RASA4B: variants seen among roughly 807,000 people sequenced by gnomAD.
The protein encoded by RASA4B is ras GTPase-activating protein 4B.
A neutral mutation model predicts 24.2 loss-of-function variants in RASA4B; 2 were observed. The observed-to-expected ratio is 0.08, with a 90% CI of 0.03 to 0.26. The LOEUF is 0.26. Ranked by LOEUF, RASA4B falls within the 10% of genes least tolerant of loss-of-function variation. The probability of loss-of-function intolerance (pLI) is 1.00; values close to 1 mark genes in which losing one functional copy is unlikely to be tolerated. For missense variants in RASA4B, 8 were observed against 277.2 expected, an observed-to-expected ratio of 0.03 and a Z score of 6.90; for synonymous variants, 2 against 125.6, an observed-to-expected ratio of 0.02 and a Z score of 6.58.
At chr7:102,506,201 C>A (rs1278439524) in intron 5 of RASA4B, among the ~76,000 whole-genome samples, 5 of 151,918 alleles carry the variant, frequency 3.3e-5, no homozygotes, top group Non-Finnish European at 5.9e-5. Context: ...GGAAATCACC[C>A]AAGAAGCATC....
intron 17 of RASA4B, among the ~76,000 whole-genome samples, chr7:102,489,586 A>G (rs1297259073): frequency 6.8e-6 from 1 of 147,368 alleles, no homozygotes; most frequent in African/African-American, 2.5e-5. Flanking sequence ...TCCACCTCCC[A>G]GGTTCAAGCG....
intron 16 of RASA4B, among the ~76,000 whole-genome samples, chr7:102,492,436 A>T (rs2133313695): frequency 1.4e-5 from 1 of 69,278 alleles, no homozygotes; most frequent in African/African-American, 3.2e-5. Context: ...GATCTTTGAG[A>T]TCCCTTCCCA....
intron 5 of RASA4B, among the ~76,000 whole-genome samples, chr7:102,506,392 G>C (rs1379550882): frequency 1.7e-4 from 25 of 151,318 alleles, no homozygotes; most frequent in African/African-American, 4.9e-4. Context: ...GATTACAGGC[G>C]CCTGCCACCA....
At chr7:102,490,802 TAGCATCCAGGGCACTCCCAC>T (rs1798909974) in intron 17 of RASA4B, among the ~76,000 whole-genome samples, 164 bp downstream of exon 17, 1 of 59,614 alleles carries the variant, frequency 1.7e-5, no homozygotes, top group East Asian at 6.9e-4. Context: ...GGCATTCCCA[TAGCATCCAGGGCACTCCCAC>T]AGCACCCAGG....
chr7:102,479,985 ATTATTCT>A lies in RASA4B; in HGVS notation c.*3600_*3606del, dbSNP rs1261672244. ...AATCATTAATCATTAGTTTGTAGTAATTATTCTTTATTCCAATATTATAATAATCCTC... is the reference window on the plus strand; with the variant it reads ...AATCATTAATCATTAGTTTGTAGTAATTATTCCAATATTATAATAATCCTC... On this transcript the variant is annotated 3_prime_UTR_variant, in exon 21 of 21. Transcript: ENST00000465829. Among the ~76,000 whole-genome samples the A allele has an allele frequency of 6.6e-6, 1 of 152,140 alleles. No individual in the cohort carries two copies. The highest frequency in any genetic ancestry group is 2.4e-5 in the African/African-American group (1 of 41,428).
intron 8 of RASA4B, among the ~76,000 whole-genome samples, chr7:102,499,089 T>G (rs1799279962): frequency 1.3e-4 from 12 of 92,042 alleles, no homozygotes; most frequent in East Asian, 3.5e-4. Context: ...GGCTGAGGCA[T>G]GAGAATTGCT....
chr7:102,492,784 C>T (rs1386160315), intron 16 of RASA4B, among the ~76,000 whole-genome samples: 33 of 102,648 alleles, frequency 3.2e-4, no homozygotes, highest in Non-Finnish European at 5.9e-4. Context: ...CGTGCCTCAG[C>T]CTCCCGAGTA....
At position 102,492,667 on chromosome 7, in the gene RASA4B, AT is replaced by A. The variant is rs66464003; in HGVS notation, c.1830+448del. Reference sequence around the variant, plus strand: ...GGTCGGATCAACTTCCTCCATATTCATTTTTTTTTTTTTTTGAGACGGAGTC... The same window carrying A: ...GGTCGGATCAACTTCCTCCATATTCATTTTTTTTTTTTTTGAGACGGAGTC... On this transcript the variant is annotated intron_variant, in intron 16 of 20. Transcript: ENST00000465829. Among the ~76,000 whole-genome samples, 578 of 127,372 alleles carry A rather than the reference AT, an allele frequency of 4.5e-3. 2 individuals carry two copies. Among genetic ancestry groups the A allele is most frequent in the African/African-American group, 0.014 (516 of 35,686 alleles). The allele number at this position is 127,372 out of a possible 152,430, so 83.6% of individuals were successfully genotyped here. A position where few individuals can be genotyped will look rare whatever the true frequency, so the allele number is the denominator to read the frequency against.
chr7:102,511,327 C>T (rs1799692573), intron 2 of RASA4B, among the ~76,000 whole-genome samples: 1 of 57,718 alleles, frequency 1.7e-5, no homozygotes, highest in African/African-American at 5.4e-5. Context: ...AAGGGACATC[C>T]GGAGGAAGTG....
In RASA4B at chr7:102,480,024, C is replaced by T. The variant is rs766378748; in HGVS notation, c.*3568G>A. Reference sequence around the variant, plus strand: ...CAATATTATAATAATCCTCGCTCTACAATCATAACCTAGGAAACACCAGGC... The same window carrying T: ...CAATATTATAATAATCCTCGCTCTATAATCATAACCTAGGAAACACCAGGC... On this transcript the variant is annotated 3_prime_UTR_variant, in exon 21 of 21. Coordinates refer to ENST00000465829, the MANE Select transcript of RASA4B (RefSeq NM_001367767.2). Among the ~76,000 whole-genome samples, 10 of 152,112 alleles carry T rather than the reference C, an allele frequency of 6.6e-5. No individual in the cohort carries two copies. Among genetic ancestry groups the T allele is most frequent in the Non-Finnish European group, 1.2e-4 (8 of 68,032 alleles).
intron 17 of RASA4B, among the ~76,000 whole-genome samples, chr7:102,490,698 T>C (rs1798899667): frequency 6.6e-6 from 1 of 152,098 alleles, no homozygotes; most frequent in Non-Finnish European, 1.5e-5. Flanking sequence ...TCTTTTCTCA[T>C]CCAGTCCACT....
chr7:102,487,329 C>G (rs1355231877), intron 18 of RASA4B, among the ~76,000 whole-genome samples: 2 of 65,088 alleles, frequency 3.1e-5, no homozygotes, highest in African/African-American at 7.5e-5. Flanking sequence ...CTCAGCTCCT[C>G]AAGCCACATT....
intron 8 of RASA4B, among the ~76,000 whole-genome samples, chr7:102,499,191 AAAATAT>A (rs1563675630): frequency 1.2e-5 from 1 of 86,244 alleles, no homozygotes; most frequent in Non-Finnish European, 3.0e-5. Context: ...GCTCAAAAAA[AAAATAT>A]ATATATATAT....
chr7:102,512,713 GA>G (rs1439561838), intron 1 of RASA4B, among the ~76,000 whole-genome samples: 503 of 140,744 alleles, frequency 3.6e-3, no homozygotes, highest in African/African-American at 6.8e-3. Flanking sequence ...GGGGGTGAGA[GA>G]GGGGGGAGAG....
intron 17 of RASA4B, among the ~76,000 whole-genome samples, chr7:102,488,802 GC>G (rs1798793640): frequency 6.9e-6 from 1 of 144,692 alleles, no homozygotes; most frequent in East Asian, 1.9e-4. Context: ...AGGTGCAGTG[GC>G]TCACTCCTAT....
At chr7:102,512,847 A>AG (rs1799744263) in intron 1 of RASA4B, among the ~76,000 whole-genome samples, 1 of 127,072 alleles carries the variant, frequency 7.9e-6, no homozygotes, top group Non-Finnish European at 1.7e-5. Context: ...GTAAAGAGGG[A>AG]GGGGGAGACT....
intron 8 of RASA4B, among the ~76,000 whole-genome samples, chr7:102,498,371 C>G (rs1460139798): frequency 2.8e-5 from 4 of 140,944 alleles, no homozygotes; most frequent in Non-Finnish European, 6.3e-5. Context: ...AAGCAATTCT[C>G]CATCCTCAGC....
chr7:102,492,569 T>C (rs1586765681), intron 16 of RASA4B, among the ~76,000 whole-genome samples: 2 of 133,226 alleles, frequency 1.5e-5, no homozygotes, highest in East Asian at 2.4e-4. Flanking sequence ...TTTGCCTAAA[T>C]AGTACTACCT....
rs6954015 is a variant in RASA4B at position 102,500,389 on chromosome 7, G to A, written c.737+310C>T. Among the ~76,000 whole-genome samples, 143 of 122,272 alleles carry A rather than the reference G, an allele frequency of 1.2e-3. 3 individuals carry two copies. The highest frequency in any genetic ancestry group is 6.3e-3 in the South Asian group (21 of 3,314). The allele number at this position is 122,272 out of a possible 152,430, so 80.2% of individuals were successfully genotyped here. ...TGGGAGGCTGAGGCAGGAGAATGGC[G>A]TGAACCCGGGAGGCGGAGCCTGCAG... On this transcript the variant is annotated intron_variant, in intron 8 of 20. Transcript: ENST00000465829.
Sources: allele counts gnomAD v4.1 joint callset (sites outside exome capture counted in the v4.1 genomes callset), GRCh38; gene constraint gnomAD v4.1.1; transcripts MANE v1.5; gene names NCBI Gene and HGNC (gene_info 2026-07-23, HGNC 2026-07-21).